Variants in DCLK2 observed in about 807,000 individuals in gnomAD.
DCLK2 encodes the protein doublecortin like kinase 2.
DCLK2 carries 31 observed loss-of-function variants against 78.4 expected under a neutral mutation model. That is an observed-to-expected ratio of 0.40 (90% CI 0.30 to 0.53). The LOEUF (loss-of-function observed/expected upper bound fraction) is 0.53, where lower values mean the gene tolerates loss of function less well. DCLK2 is among the 20% of genes least tolerant of loss of function. The pLI, the probability that DCLK2 is intolerant of heterozygous loss-of-function variation, is 0.61. For missense variants in DCLK2, 872 were observed against 973.7 expected (o/e 0.90, Z 1.39); for synonymous variants, 407 against 374.9 (o/e 1.09, Z -0.99).
chr4:150,079,218 C>T lies in DCLK2; in HGVS notation c.191C>T (p.Ala64Val). Residue 64 changes from alanine to valine, a missense_variant, in exon 1 of 16, where the codon GCC (alanine) becomes GTC (valine). This residue lies in a region of DCLK2 where 567 missense variants were observed against 593.4 expected (regional missense o/e 0.96). Coordinates refer to ENST00000296550, the MANE Select transcript of DCLK2 (RefSeq NM_001040260.4). ...CSFYRTRTLQALSSEKKAKKA... is the reference protein window; with the variant it reads ...CSFYRTRTLQVLSSEKKAKKA... ...TTCTACCGCACGCGGACCCTGCAGG[C>T]CCTCAGCTCGGAGAAGAAGGCCAAG... 1.2e-6 allele frequency: 2 copies of T among 1,611,488 alleles called. No individual in the cohort carries two copies. The highest frequency in any genetic ancestry group is 1.7e-6 in the Non-Finnish European group (2 of 1,178,928).
At chr4:150,125,543 A>G (rs1173419896) in intron 2 of DCLK2, among the ~76,000 whole-genome samples, 1 of 152,206 alleles carries the variant, frequency 6.6e-6, no homozygotes, top group Non-Finnish European at 1.5e-5. Context: ...AACTGAATTC[A>G]AAATTGTCTA....
At chr4:150,108,512 T>C (rs7658529) in intron 2 of DCLK2, among the ~76,000 whole-genome samples, 132,284 of 151,708 alleles carry the variant, frequency 0.87, 58,308 homozygotes, top group Non-Finnish European at 0.94. Flanking sequence ...CCACTGCACT[T>C]CAGCCTGGGC....
intron 15 of DCLK2, among the ~76,000 whole-genome samples, chr4:150,252,308 G>A (rs1290717289): frequency 5.3e-5 from 8 of 152,200 alleles, no homozygotes; most frequent in African/African-American, 1.2e-4. Flanking sequence ...CATACTCAAC[G>A]TGTCATGAAA....
At chr4:150,241,849 T>A (rs1411315471) in intron 12 of DCLK2, among the ~76,000 whole-genome samples, 3 of 152,164 alleles carry the variant, frequency 2.0e-5, no homozygotes, top group Non-Finnish European at 4.4e-5. Context: ...CTAATCTTAT[T>A]CATGAGAGCT....
rs200270706 is a variant in DCLK2 at position 150,248,311 on chromosome 4, A to G, written c.1882A>G (p.Ile628Val). 1 of 1,613,840 alleles carries G rather than the reference A, an allele frequency of 6.2e-7. No homozygotes were observed. Among genetic ancestry groups the G allele is most frequent in the East Asian group, 2.2e-5 (1 of 44,876 alleles). ...CTTGTTTGTTTATTTGTAGGAATTA[A>G]TCAGTCAAATGCTTCAGGTAAATGT... is the stretch of plus-strand genomic sequence containing the variant. Reference protein sequence around the residue: ...DNITDSAKELISQMLQVNVEA... With the variant: ...DNITDSAKELVSQMLQVNVEA... The change falls in exon 14 of 16, where the codon ATC becomes GTC. Residue 628 changes from isoleucine (I) to valine (V), a missense_variant. By Grantham distance (29) the Ile-to-Val change is conservative. Around this residue, in one of 3 missense-constraint regions of DCLK2, gnomAD observed 219 missense variants for 230.1 expected, o/e 0.95. Transcript: ENST00000296550.
chr4:150,088,676 T>C (rs1370380865), intron 1 of DCLK2, among the ~76,000 whole-genome samples: 1 of 152,198 alleles, frequency 6.6e-6, no homozygotes, highest in Non-Finnish European at 1.5e-5. Context: ...CCAAAATGCT[T>C]GAAAATCTGA....
chr4:150,179,150 C>CCTAAGTAA (rs1171798659), intron 2 of DCLK2, among the ~76,000 whole-genome samples: 6 of 152,236 alleles, frequency 3.9e-5, no homozygotes, highest in African/African-American at 1.4e-4. Flanking sequence ...GCCTCAGCCT[C>CCTAAGTAA]CTAAGTAACT....
At chr4:150,252,574 T>C (rs1374465117) in intron 15 of DCLK2, among the ~76,000 whole-genome samples, 1 of 152,208 alleles carries the variant, frequency 6.6e-6, no homozygotes, top group Non-Finnish European at 1.5e-5. Context: ...ACAGGCTCTG[T>C]CCTAGATAAT....
intron 4 of DCLK2, 109 bp from the exon 5 acceptor site, chr4:150,203,686 A>T: frequency 1.4e-6 from 1 of 736,354 alleles, no homozygotes; most frequent in South Asian, 3.1e-5. Context: ...GCTGAAAACG[A>T]GTTGAAGCTT....
chr4:150,197,337 C>G (rs768766643), intron 3 of DCLK2, among the ~76,000 whole-genome samples: 1 of 152,162 alleles, frequency 6.6e-6, no homozygotes, highest in Non-Finnish European at 1.5e-5. Flanking sequence ...ATCAATACTA[C>G]TGATTTAAAA....
intron 5 of DCLK2, among the ~76,000 whole-genome samples, chr4:150,215,444 C>T (rs1318656961): frequency 6.6e-6 from 1 of 152,186 alleles, no homozygotes; most frequent in African/African-American, 2.4e-5. Flanking sequence ...CCCATGACCC[C>T]TCTTTGGGTT....
intron 5 of DCLK2, among the ~76,000 whole-genome samples, chr4:150,215,874 A>G (rs1740675371): frequency 6.6e-6 from 1 of 152,226 alleles, no homozygotes; most frequent in Non-Finnish European, 1.5e-5. Context: ...GTCAGATTAG[A>G]GTCCTGCTTT....
At chr4:150,199,992 T>G (rs1475585940) in intron 4 of DCLK2, among the ~76,000 whole-genome samples, 1 of 152,200 alleles carries the variant, frequency 6.6e-6, no homozygotes, top group African/African-American at 2.4e-5. Context: ...CACTCTAGCC[T>G]GGGCAATGTA....
intron 6 of DCLK2, among the ~76,000 whole-genome samples, chr4:150,221,319 T>G (rs1458000641): frequency 1.5e-5 from 2 of 136,336 alleles, no homozygotes; most frequent in Admixed American, 1.4e-4. Flanking sequence ...CTTTCTTTGT[T>G]TTTTTTTTTT....
At chr4:150,247,542 T>C (rs1743418168) in intron 12 of DCLK2, 61 bp from the exon 13 acceptor site, 4 of 1,499,578 alleles carry the variant, frequency 2.7e-6, no homozygotes, top group Non-Finnish European at 1.9e-6. Flanking sequence ...CCTGTGGACA[T>C]TTTGTTGAAA....
chr4:150,166,282 G>T (rs1256154170), intron 2 of DCLK2, among the ~76,000 whole-genome samples: 1 of 151,534 alleles, frequency 6.6e-6, no homozygotes, highest in Non-Finnish European at 1.5e-5. Flanking sequence ...CTGAGCGCAG[G>T]AGTTCAAGAC....
chr4:150,164,311 A>G lies in DCLK2; in HGVS notation c.757-28827A>G, dbSNP rs558655519. ...TGGTCTGGGTTGGGCCTGTGGCATC[A>G]GCATTTTTGAACTGTGCAGCCACTG... On this transcript the variant is annotated intron_variant, in intron 2 of 15. Transcript: ENST00000296550. Among the ~76,000 whole-genome samples, 3 of 152,368 alleles carry G rather than the reference A, an allele frequency of 2.0e-5. No homozygotes were observed. The East Asian group carries it at 5.8e-4, about 29-fold the overall frequency.
At chr4:150,113,525 A>G (rs775085296) in intron 2 of DCLK2, among the ~76,000 whole-genome samples, 3 of 152,080 alleles carry the variant, frequency 2.0e-5, no homozygotes, top group Non-Finnish European at 4.4e-5. Flanking sequence ...TAGATTTCCA[A>G]GTTTGTATGC....
chr4:150,189,555 A>G (rs1356468936), intron 2 of DCLK2, among the ~76,000 whole-genome samples: 1 of 152,194 alleles, frequency 6.6e-6, no homozygotes, highest in Non-Finnish European at 1.5e-5. Flanking sequence ...TTTCTTGTTT[A>G]TAAATGAAGG....
Sources: allele counts gnomAD v4.1 joint callset (sites outside exome capture counted in the v4.1 genomes callset), GRCh38; gene constraint gnomAD v4.1.1; regional missense constraint gnomAD v4.1.1; transcripts MANE v1.5; gene names NCBI Gene and HGNC (gene_info 2026-07-23, HGNC 2026-07-21).